GDI2: variants seen among roughly 807,000 people sequenced by gnomAD.
GDI2 encodes rab GDP dissociation inhibitor beta.
In GDI2, 22 loss-of-function variants were observed where a neutral mutation model predicts 54.2. That is an observed-to-expected ratio of 0.41 (90% CI 0.29 to 0.58). GDI2 has a LOEUF of 0.58. GDI2 is among the 20% of genes least tolerant of loss of function. The pLI is 0.35. For missense variants in GDI2, 422 were observed against 546.0 expected, an observed-to-expected ratio of 0.77 and a Z score of 2.26; for synonymous variants, 177 against 182.1, an observed-to-expected ratio of 0.97 and a Z score of 0.23.
At chr10:5,799,526 C>T (rs955016145) in intron 2 of GDI2, among the ~76,000 whole-genome samples, 9 of 152,142 alleles carry the variant, frequency 5.9e-5, no homozygotes, top group Non-Finnish European at 1.2e-4. Context: ...GTGGTGCACG[C>T]CTTTAATCCC....
chr10:5,791,601 GCCA>G (rs1284792980), intron 4 of GDI2, among the ~76,000 whole-genome samples: 1 of 152,064 alleles, frequency 6.6e-6, no homozygotes, highest in Non-Finnish European at 1.5e-5. Context: ...TACAAAATTA[GCCA>G]GGCGTGGTGG....
intron 7 of GDI2, among the ~76,000 whole-genome samples, chr10:5,772,271 T>A (rs994658472): frequency 6.6e-6 from 1 of 152,194 alleles, no homozygotes; most frequent in African/African-American, 2.4e-5. Flanking sequence ...ACAGTGCTAT[T>A]TGTGCTGATA....
At chr10:5,779,130 T>C (rs1026586695) in intron 6 of GDI2, among the ~76,000 whole-genome samples, 18 of 152,248 alleles carry the variant, frequency 1.2e-4, no homozygotes, top group African/African-American at 4.1e-4. Context: ...CCAGAACAAA[T>C]ATCCTTGTTC....
intron 7 of GDI2, among the ~76,000 whole-genome samples, chr10:5,770,164 A>G (rs935889367): frequency 1.3e-5 from 2 of 152,198 alleles, no homozygotes; most frequent in African/African-American, 4.8e-5. Context: ...TATATAAAAT[A>G]TAGTAGTTAA....
chr10:5,808,700 A>AG (rs1274391316), intron 1 of GDI2, among the ~76,000 whole-genome samples: 3,021 of 109,676 alleles, frequency 0.028, 51 homozygotes, highest in Admixed American at 0.13. Flanking sequence ...TTGTTATTAA[A>AG]AAAAAAAAAA....
intron 1 of GDI2, among the ~76,000 whole-genome samples, chr10:5,805,786 T>C (rs1841366338): frequency 6.6e-6 from 1 of 152,220 alleles, no homozygotes; most frequent in African/African-American, 2.4e-5. Context: ...GGAGATCCTG[T>C]TAAACTGTAG....
intron 3 of GDI2, among the ~76,000 whole-genome samples, chr10:5,795,898 G>T (rs899106875): frequency 6.6e-6 from 1 of 152,076 alleles, no homozygotes; most frequent in African/African-American, 2.4e-5. Flanking sequence ...TCCAGCCTGG[G>T]TGACAGAGTG....
At chr10:5,777,676 C>T (rs1335781359) in intron 6 of GDI2, among the ~76,000 whole-genome samples, 1 of 152,178 alleles carries the variant, frequency 6.6e-6, no homozygotes, top group Non-Finnish European at 1.5e-5. Context: ...AATACTTTTA[C>T]GCTGTTGGTG....
At chr10:5,783,269 C>T (rs1027455987) in intron 6 of GDI2, among the ~76,000 whole-genome samples, 1 of 151,978 alleles carries the variant, frequency 6.6e-6, no homozygotes, top group Admixed American at 6.6e-5. Flanking sequence ...AGAATAGCTA[C>T]TTCTGCTCGC....
chr10:5,783,502 T>C (rs1295232329), intron 6 of GDI2, among the ~76,000 whole-genome samples: 1 of 152,178 alleles, frequency 6.6e-6, no homozygotes, highest in Non-Finnish European at 1.5e-5. Flanking sequence ...TTTGTTTGCC[T>C]GAACACCTTG....
chr10:5,795,805 C>T (rs1242331934), intron 3 of GDI2, among the ~76,000 whole-genome samples: 1 of 152,102 alleles, frequency 6.6e-6, no homozygotes, highest in Non-Finnish European at 1.5e-5. Context: ...GTGGAACACC[C>T]AGGTGTGGTG....
At chr10:5,773,600 ATACT>A (rs1403180461) in intron 7 of GDI2, among the ~76,000 whole-genome samples, 2 of 152,228 alleles carry the variant, frequency 1.3e-5, no homozygotes, top group Admixed American at 6.5e-5. Flanking sequence ...TAAATACAGA[ATACT>A]TACTATTTAG....
At chr10:5,781,793 C>A (rs1840763003) in intron 6 of GDI2, among the ~76,000 whole-genome samples, 1 of 152,112 alleles carries the variant, frequency 6.6e-6, no homozygotes, top group Non-Finnish European at 1.5e-5. Flanking sequence ...GCAGGTGGAT[C>A]ACTTGAGGTC....
rs1840792178 is a variant in GDI2, at chr10:5,782,886, C to CTGCA, written c.719+2252_719+2255dup. Among the ~76,000 whole-genome samples, 6 of 152,146 alleles carry CTGCA rather than the reference C, an allele frequency of 3.9e-5. No homozygotes were observed. In the South Asian group the frequency reaches 1.2e-3, roughly 32 times the overall value. On this transcript the variant is annotated intron_variant, in intron 6 of 10. Coordinates refer to ENST00000380191, the MANE Select transcript of GDI2 (RefSeq NM_001494.4). Reference sequence around the variant, plus strand: ...GGGTGGAGGTTGCAGTGAGCTGAGACTGCACCACAGCACTCCAGCCTGGGC... The same window carrying CTGCA: ...GGGTGGAGGTTGCAGTGAGCTGAGACTGCATGCACCACAGCACTCCAGCCTGGGC...
In GDI2 at chr10:5,765,580, C is replaced by G. The variant is rs151282944; in HGVS notation, c.*426G>C. 219 of 154,470 alleles carry G rather than the reference C, an allele frequency of 1.4e-3. No individual in the cohort carries two copies. The highest frequency in any genetic ancestry group is 1.0e-3 in the Non-Finnish European group (70 of 69,656). 9.6% of individuals were successfully genotyped at this position (154,470 alleles called of 1,614,324 possible). A position where few individuals can be genotyped will look rare whatever the true frequency, so the allele number is the denominator to read the frequency against. On this transcript the variant is annotated 3_prime_UTR_variant, in exon 11 of 11. Coordinates refer to ENST00000380191, the MANE Select transcript of GDI2 (RefSeq NM_001494.4). The stretch of plus-strand genomic sequence containing the variant: ...AAATATAAAGTCATAGGGAAAACTT[C>G]CGGATGCTGTCCCAAACCGTGGAAT...
At chr10:5,780,592 ATACAAT>A (rs1244083867) in intron 6 of GDI2, among the ~76,000 whole-genome samples, 1 of 152,262 alleles carries the variant, frequency 6.6e-6, no homozygotes, top group Admixed American at 6.5e-5. Context: ...CAACGTCAAC[ATACAAT>A]TACATTTCTG....
At chr10:5,772,061 C>T (rs1840501134) in intron 7 of GDI2, among the ~76,000 whole-genome samples, 2 of 151,662 alleles carry the variant, frequency 1.3e-5, no homozygotes, top group African/African-American at 4.9e-5. Flanking sequence ...TGCACTCCAG[C>T]CTGGTGACTG....
chr10:5,787,619 G>A (rs1392656071), intron 4 of GDI2, among the ~76,000 whole-genome samples: 2 of 152,142 alleles, frequency 1.3e-5, no homozygotes, highest in Admixed American at 1.3e-4. Flanking sequence ...ACACAGTAAA[G>A]GCATAAGGCT....
At position 5,766,502 on chromosome 10, in the gene GDI2, A is replaced by C. The variant is rs1196601702; in HGVS notation, c.1128T>G (p.Ile376Met). ...IRPALELLEP[I>M]EQKFVSISDL... ...AAAAGAACACAACTCACTTCTGTTC[A>C]ATTGGTTCCAAGAGCTCCAAAGCTG... Residue 376 changes from isoleucine (I) to methionine (M), a missense_variant, in exon 9 of 11, where the codon ATT (isoleucine) becomes ATG (methionine). By Grantham distance (10) the Ile-to-Met change is conservative. Coordinates refer to ENST00000380191, the MANE Select transcript of GDI2 (RefSeq NM_001494.4). The surrounding 1 kb of genome is among the most constrained non-coding windows in gnomAD (Gnocchi z 5.8). 1 of 1,613,374 alleles carries C rather than the reference A, an allele frequency of 6.2e-7. No individual in the cohort carries two copies. The highest frequency in any genetic ancestry group is 2.2e-5 in the East Asian group (1 of 44,902).
Sources: gnomAD v4.1 joint callset for allele counts (sites outside exome capture counted in the v4.1 genomes callset) on GRCh38, gnomAD v4.1.1 for gene constraint, Gnocchi (gnomAD v3.1) non-coding constraint, MANE v1.5 for transcripts, NCBI Gene and HGNC (gene_info 2026-07-23, HGNC 2026-07-21) for gene names.